SGSM1: variants seen among roughly 807,000 people sequenced by gnomAD.
SGSM1 encodes the protein small G protein signaling modulator 1.
Under a neutral mutation model 133.8 loss-of-function variants are expected in SGSM1, and 73 were observed. That is an observed-to-expected ratio of 0.55 (90% confidence interval 0.45 to 0.66). SGSM1 has a LOEUF of 0.66. Ranked by LOEUF, SGSM1 falls within the 30% of genes least tolerant of loss-of-function variation. The probability of loss-of-function intolerance (pLI) is 0.00; values close to 1 mark genes in which losing one functional copy is unlikely to be tolerated. For missense variants in SGSM1, 1,213 were observed against 1,448.1 expected (o/e 0.84, Z 2.64); for synonymous variants, 563 against 573.0 (o/e 0.98, Z 0.25).
At chr22:24,841,054 G>T (rs556742364) in intron 2 of SGSM1, among the ~76,000 whole-genome samples, 97 of 152,046 alleles carry the variant, frequency 6.4e-4, no homozygotes, top group African/African-American at 2.1e-3. Flanking sequence ...GTTTCACCGT[G>T]TTAGCCAAGA....
intron 5 of SGSM1, among the ~76,000 whole-genome samples, chr22:24,850,637 T>C (rs1284740083): frequency 6.6e-6 from 1 of 152,206 alleles, no homozygotes; most frequent in Non-Finnish European, 1.5e-5. Flanking sequence ...AGTATAGGGA[T>C]CCTGGGTTTC....
intron 2 of SGSM1, among the ~76,000 whole-genome samples, chr22:24,819,154 A>AAAAC (rs1555919584): frequency 3.7e-3 from 557 of 151,598 alleles, no homozygotes; most frequent in Middle Eastern, 0.024. Flanking sequence ...AAAAAAAAAA[A>AAAAC]AAAACAATAA....
chr22:24,902,018 T>G (rs1933184894), intron 20 of SGSM1, 61 bp downstream of exon 20: 5 of 1,431,328 alleles, frequency 3.5e-6, no homozygotes, highest in South Asian at 1.3e-5. Context: ...GGATGGGGGA[T>G]GTAGGGGGCC....
intron 12 of SGSM1, among the ~76,000 whole-genome samples, chr22:24,871,961 TG>T (rs1931787572): frequency 6.6e-6 from 1 of 152,224 alleles, no homozygotes; most frequent in Non-Finnish European, 1.5e-5. Flanking sequence ...CCCCTTTTCA[TG>T]GGCCAATTTC....
At chr22:24,811,307 C>A (rs1822691048) in intron 2 of SGSM1, among the ~76,000 whole-genome samples, 1 of 152,184 alleles carries the variant, frequency 6.6e-6, no homozygotes, top group Admixed American at 6.5e-5. Context: ...GCTCACCCTA[C>A]CCATCCTGCA....
chr22:24,814,728 C>G (rs1475492409), intron 2 of SGSM1, among the ~76,000 whole-genome samples: 1 of 152,218 alleles, frequency 6.6e-6, no homozygotes, highest in African/African-American at 2.4e-5. Context: ...TAAAAGATGC[C>G]CTCAGCACAG....
At chr22:24,886,554 T>C (rs972872188) in intron 15 of SGSM1, 46 bp from the exon 16 acceptor site, 1 of 1,541,498 alleles carries the variant, frequency 6.5e-7, no homozygotes, top group Non-Finnish European at 8.8e-7. Context: ...AACCACCCCC[T>C]GGTTTTCTGT....
chr22:24,913,051 C>T (rs1381640803), intron 22 of SGSM1, among the ~76,000 whole-genome samples: 1 of 152,042 alleles, frequency 6.6e-6, no homozygotes, highest in Admixed American at 6.6e-5. Context: ...GCATAGTCCA[C>T]GGGCTGGCAA....
chr22:24,808,136 C>T lies in SGSM1; in HGVS notation c.63+1652C>T, dbSNP rs189707215. ...TGGTGTTTTTTTTTTTTTTTTGAGA[C>T]GGAGTCTCGCTCTGTTGCCCAGGAT... On this transcript the variant is annotated intron_variant, in intron 2 of 24. Coordinates refer to ENST00000400358, the MANE Select transcript of SGSM1 (RefSeq NM_001098497.3). Among the ~76,000 whole-genome samples, 369 of 130,406 alleles carry T rather than the reference C, an allele frequency of 2.8e-3. 2 individuals carry two copies. Among genetic ancestry groups the T allele is most frequent in the African/African-American group, 0.01 (346 of 33,082 alleles). 85.6% of individuals were successfully genotyped at this position (130,406 alleles called of 152,430 possible). A position where few individuals can be genotyped will look rare whatever the true frequency, so the allele number is the denominator to read the frequency against.
At chr22:24,917,397 T>C (rs1050314548) in intron 22 of SGSM1, among the ~76,000 whole-genome samples, 2 of 152,210 alleles carry the variant, frequency 1.3e-5, no homozygotes, top group African/African-American at 4.8e-5. Context: ...TCCTAGTGCG[T>C]GTGAATTGGT....
intron 2 of SGSM1, among the ~76,000 whole-genome samples, chr22:24,833,157 A>G (rs1929218034): frequency 6.7e-6 from 1 of 150,312 alleles, no homozygotes; most frequent in African/African-American, 2.4e-5. Context: ...CTGGTCTGGA[A>G]CTCCTGACCT....
chr22:24,846,681 G>C (rs1930167806), intron 3 of SGSM1, among the ~76,000 whole-genome samples: 1 of 152,118 alleles, frequency 6.6e-6, no homozygotes, highest in Non-Finnish European at 1.5e-5. Flanking sequence ...ATTAAACTAT[G>C]TCTACAAAGC....
At chr22:24,869,438 TGAGCCTGGG>T (rs1247676479) in intron 12 of SGSM1, among the ~76,000 whole-genome samples, 1 of 152,166 alleles carries the variant, frequency 6.6e-6, no homozygotes, top group African/African-American at 2.4e-5. Flanking sequence ...GAGGATCACC[TGAGCCTGGG>T]GAGGTCGAGG....
intron 4 of SGSM1, among the ~76,000 whole-genome samples, chr22:24,849,273 G>A (rs1398293764): frequency 2.0e-5 from 3 of 151,740 alleles, no homozygotes; most frequent in Non-Finnish European, 4.4e-5. Flanking sequence ...ATGAGTTGCG[G>A]CCAGGTGCGG....
chr22:24,891,758 A>C (rs969253933), intron 16 of SGSM1, among the ~76,000 whole-genome samples: 21 of 152,266 alleles, frequency 1.4e-4, no homozygotes, highest in Middle Eastern at 3.4e-3. Flanking sequence ...AGCACCTAAG[A>C]CGGGCAGGGG....
intron 9 of SGSM1, among the ~76,000 whole-genome samples, chr22:24,860,920 A>AT (rs57042550): frequency 4.7e-3 from 295 of 62,980 alleles, no homozygotes; most frequent in African/African-American, 8.9e-3. Flanking sequence ...AAAAAAAAAA[A>AT]AAATATATAT....
At chr22:24,827,111 A>G (rs1928843363) in intron 2 of SGSM1, among the ~76,000 whole-genome samples, 2 of 152,118 alleles carry the variant, frequency 1.3e-5, no homozygotes, top group African/African-American at 4.8e-5. Flanking sequence ...TCTGGGGTTC[A>G]GAGGAGTAAA....
chr22:24,879,291 C>T (rs1932191188), intron 13 of SGSM1, among the ~76,000 whole-genome samples, 171 bp from the exon 14 acceptor site: 1 of 152,128 alleles, frequency 6.6e-6, no homozygotes, highest in African/African-American at 2.4e-5. Context: ...GGGCCGGTAC[C>T]AGAAGAGGCA....
Position 24,806,277 on chromosome 22 carries a change from G to C in SGSM1, c.-49G>C. On this transcript the variant is annotated 5_prime_UTR_variant, in exon 1 of 25. Transcript: ENST00000400358. Reference sequence around the variant, plus strand: ...CGCCGCGGCCGGAGGAGCTACCGCCGCCACCGCCGCCACCGCCTCCTGGGA... The same window carrying C: ...CGCCGCGGCCGGAGGAGCTACCGCCCCCACCGCCGCCACCGCCTCCTGGGA... 7.1e-7 allele frequency: 1 copy of C among 1,403,342 alleles called. No individual in the cohort carries two copies. Among genetic ancestry groups the C allele is most frequent in the Non-Finnish European group, 9.2e-7 (1 of 1,083,760 alleles). The allele number at this position is 1,403,342 out of a possible 1,614,324, so 86.9% of individuals were successfully genotyped here. A position where few individuals can be genotyped will look rare whatever the true frequency, so the allele number is the denominator to read the frequency against.
Sources: gnomAD v4.1 joint callset for allele counts (sites outside exome capture counted in the v4.1 genomes callset) on GRCh38, gnomAD v4.1.1 for gene constraint, MANE v1.5 for transcripts, NCBI Gene and HGNC (gene_info 2026-07-23, HGNC 2026-07-21) for gene names.